RBFOX1: variants seen among roughly 807,000 people sequenced by gnomAD.
The protein encoded by RBFOX1 is RNA binding fox-1 homolog 1.
RBFOX1 carries 8 observed loss-of-function variants against 57.7 expected under a neutral mutation model. The ratio of observed to expected loss-of-function variants is 0.14; its 90% confidence interval spans 0.08 to 0.25. The LOEUF (loss-of-function observed/expected upper bound fraction) is 0.25. Ranked by LOEUF, RBFOX1 falls within the 10% of genes least tolerant of loss-of-function variation. The pLI is 1.00. For missense variants in RBFOX1, 611 were observed against 548.5 expected (o/e 1.11, Z -1.14); for synonymous variants, 326 against 222.4 (o/e 1.47, Z -4.15).
intron 4 of RBFOX1, among the ~76,000 whole-genome samples, chr16:7,448,981 G>C (rs986672517): frequency 7.0e-5 from 9 of 127,714 alleles, no homozygotes; most frequent in African/African-American, 2.7e-4. Context: ...CCAGGCTGGA[G>C]TGCAATGGCG....
intron 4 of RBFOX1, among the ~76,000 whole-genome samples, chr16:5,869,555 C>T (rs1255243426): frequency 6.6e-6 from 1 of 152,072 alleles, no homozygotes; most frequent in Non-Finnish European, 1.5e-5. Context: ...GTGCGTGCCA[C>T]CATGCCTAGC....
intron 4 of RBFOX1, among the ~76,000 whole-genome samples, chr16:7,221,896 T>C (rs1006362863): frequency 6.6e-6 from 1 of 152,212 alleles, no homozygotes; most frequent in Non-Finnish European, 1.5e-5. Context: ...AGCTGACATC[T>C]CTTCATGTCC....
At chr16:5,813,152 C>T (rs753320230) in intron 3 of RBFOX1, among the ~76,000 whole-genome samples, 9 of 152,002 alleles carry the variant, frequency 5.9e-5, no homozygotes, top group East Asian at 1.9e-4. Flanking sequence ...GAATTACAGG[C>T]GCATGCCACC....
intron 3 of RBFOX1, among the ~76,000 whole-genome samples, chr16:5,837,135 G>T (rs374165286): frequency 2.0e-5 from 3 of 151,934 alleles, no homozygotes; most frequent in Admixed American, 1.3e-4. Context: ...CTCCTGCTTC[G>T]CTCAAATCCC....
chr16:7,654,044 C>T (rs868135020), intron 12 of RBFOX1, 97 bp downstream of exon 12: 6 of 1,288,872 alleles, frequency 4.7e-6, no homozygotes, highest in East Asian at 2.7e-5. Context: ...CTTGACTCCC[C>T]CTCCGCCACC....
At chr16:5,873,478 A>ATTAAATAAAT (rs1459012300) in intron 4 of RBFOX1, among the ~76,000 whole-genome samples, 2 of 152,202 alleles carry the variant, frequency 1.3e-5, no homozygotes, top group Non-Finnish European at 2.9e-5. Flanking sequence ...ATATTTAAAG[A>ATTAAATAAAT]ACTCTAAACA....
At chr16:6,930,051 C>A (rs148535177) in intron 3 of RBFOX1, among the ~76,000 whole-genome samples, 4 of 152,274 alleles carry the variant, frequency 2.6e-5, no homozygotes, top group Admixed American at 2.6e-4. Context: ...TCCCCTCTCT[C>A]CCATAGCAAA....
At chr16:5,808,357 C>T (rs1418576806) in intron 3 of RBFOX1, among the ~76,000 whole-genome samples, 4 of 152,168 alleles carry the variant, frequency 2.6e-5, no homozygotes, top group African/African-American at 7.2e-5. Context: ...TAGCTTGATG[C>T]CTCCAGCTAT....
At chr16:7,494,030 G>C (rs1381618620) in intron 4 of RBFOX1, among the ~76,000 whole-genome samples, 3 of 152,048 alleles carry the variant, frequency 2.0e-5, no homozygotes, top group African/African-American at 4.8e-5. Flanking sequence ...TTTTCTTATT[G>C]GCTTGTGAAT....
intron 1 of RBFOX1, among the ~76,000 whole-genome samples, chr16:5,451,239 C>G (rs572126978): frequency 3.9e-5 from 6 of 152,256 alleles, no homozygotes; most frequent in South Asian, 2.1e-4. Flanking sequence ...TCCACCCCCA[C>G]TTCACTCTGA....
Position 5,379,968 on chromosome 16 carries a change from C to T in RBFOX1, c.220-87248C>T, listed in dbSNP as rs540778114. Among the ~76,000 whole-genome samples, 4 of 152,298 alleles carry T rather than the reference C, an allele frequency of 2.6e-5. No homozygotes were observed. In the South Asian group the frequency reaches 8.3e-4, roughly 32 times the overall value. ...TTGGAGGAATCATCCCGGGCAGGTG[C>T]CCTTGTTGGCTGTGAACCTGGGAGC... is the stretch of plus-strand genomic sequence containing the variant. On this transcript the variant is annotated intron_variant, in intron 1 of 2. Transcript: ENST00000585867.
intron 4 of RBFOX1, among the ~76,000 whole-genome samples, chr16:7,292,872 G>A (rs1192204599): frequency 7.2e-5 from 11 of 152,090 alleles, no homozygotes; most frequent in Non-Finnish European, 7.4e-5. Flanking sequence ...ATACAAAGCT[G>A]GATAAGAGAT....
chr16:5,327,624 C>T (rs955939301), intron 1 of RBFOX1, among the ~76,000 whole-genome samples: 2 of 152,124 alleles, frequency 1.3e-5, no homozygotes, highest in African/African-American at 4.8e-5. Context: ...AACATCCTCC[C>T]CTACTTCCCC....
chr16:7,400,200 T>G (rs556716659), intron 4 of RBFOX1, among the ~76,000 whole-genome samples: 1 of 152,304 alleles, frequency 6.6e-6, no homozygotes, highest in South Asian at 2.1e-4. Context: ...TTGTCATGCA[T>G]AAGAATCTCC....
Position 7,702,189 on chromosome 16 carries a change from G to A in RBFOX1, c.996-6867G>A, listed in dbSNP as rs1004154860. On this transcript the variant is annotated intron_variant, in intron 14 of 15. Transcript: ENST00000550418. The stretch of plus-strand genomic sequence containing the variant: ...CGATTTGAAAATGGAGATTTTGGTT[G>A]TGTGGTAAATATTTATTGGCATGAA... Among the ~76,000 whole-genome samples, 3 of 152,274 alleles carry A rather than the reference G, an allele frequency of 2.0e-5. No homozygotes were observed. The South Asian group carries it at 6.2e-4, about 32-fold the overall frequency.
intron 3 of RBFOX1, among the ~76,000 whole-genome samples, chr16:6,825,041 G>C (rs963239802): frequency 8.3e-6 from 1 of 120,506 alleles, no homozygotes; most frequent in African/African-American, 3.1e-5. Context: ...CTGTCACCCA[G>C]GCTGGAATGC....
At chr16:7,690,536 T>G (rs763012696) in intron 14 of RBFOX1, among the ~76,000 whole-genome samples, 2 of 152,080 alleles carry the variant, frequency 1.3e-5, no homozygotes, top group African/African-American at 2.4e-5. Flanking sequence ...ATTTTGAAGT[T>G]TAAATTCACG....
chr16:7,604,143 C>T (rs749842015), intron 9 of RBFOX1, among the ~76,000 whole-genome samples: 1 of 152,010 alleles, frequency 6.6e-6, no homozygotes, highest in African/African-American at 2.4e-5. Context: ...TTTGAGCAAC[C>T]AAGTAGATAG....
chr16:5,864,886 T>C (rs1202581657), intron 3 of RBFOX1, among the ~76,000 whole-genome samples: 2 of 152,210 alleles, frequency 1.3e-5, no homozygotes, highest in Non-Finnish European at 2.9e-5. Flanking sequence ...CTATAGGTGG[T>C]TGAATATTCA....
Sources: allele counts gnomAD v4.1 joint callset (sites outside exome capture counted in the v4.1 genomes callset), GRCh38; gene constraint gnomAD v4.1.1; transcripts MANE v1.5; gene names NCBI Gene and HGNC (gene_info 2026-07-23, HGNC 2026-07-21).